The following ZFPM2 variants were observed in gnomAD, a reference collection of about 807,000 sequenced individuals.
The protein encoded by ZFPM2 is zinc finger protein, FOG family member 2.
A neutral mutation model predicts 98.6 loss-of-function variants in ZFPM2; 20 were observed. That is an observed-to-expected ratio of 0.20 (90% confidence interval 0.14 to 0.29). The LOEUF (loss-of-function observed/expected upper bound fraction) is 0.29. ZFPM2 is among the 10% of genes least tolerant of loss of function. The pLI is 1.00. For missense variants in ZFPM2, 1,310 were observed against 1,388.6 expected, an observed-to-expected ratio of 0.94 and a Z score of 0.90; for synonymous variants, 518 against 502.7, an observed-to-expected ratio of 1.03 and a Z score of -0.41.
At chr8:105,478,713 TAA>T (rs1179279386) in intron 3 of ZFPM2, among the ~76,000 whole-genome samples, 2 of 152,224 alleles carry the variant, frequency 1.3e-5, no homozygotes, top group African/African-American at 2.4e-5. Flanking sequence ...TAAATATTAA[TAA>T]AGACATTTTT....
intron 5 of ZFPM2, among the ~76,000 whole-genome samples, chr8:105,693,329 G>C (rs1810934714): frequency 6.6e-6 from 1 of 152,168 alleles, no homozygotes; most frequent in Admixed American, 6.5e-5. Flanking sequence ...CATTGGTGCA[G>C]GCTATTCCGC....
chr8:105,405,650 G>C (rs1333067955), intron 1 of ZFPM2, among the ~76,000 whole-genome samples: 1 of 151,750 alleles, frequency 6.6e-6, no homozygotes, highest in Admixed American at 6.6e-5. Flanking sequence ...TGGTGTATAT[G>C]TGCCACATTT....
At chr8:105,587,517 G>A (rs1815749179) in intron 4 of ZFPM2, among the ~76,000 whole-genome samples, 1 of 151,946 alleles carries the variant, frequency 6.6e-6, no homozygotes, top group African/African-American at 2.4e-5. Context: ...CAAAACCAAA[G>A]GAAAAAATAT....
intron 3 of ZFPM2, among the ~76,000 whole-genome samples, chr8:105,512,036 C>G (rs954006184): frequency 2.0e-5 from 3 of 152,138 alleles, no homozygotes; most frequent in Non-Finnish European, 4.4e-5. Flanking sequence ...ATCCCAGCTA[C>G]TCGGGAGGCT....
At chr8:105,361,946 G>A (rs2129765907) in intron 1 of ZFPM2, among the ~76,000 whole-genome samples, 1 of 152,144 alleles carries the variant, frequency 6.6e-6, no homozygotes, top group Non-Finnish European at 1.5e-5. Flanking sequence ...AGAACAACAG[G>A]CTGTAACATG....
chr8:105,722,446 A>G (rs1770248631), intron 5 of ZFPM2, among the ~76,000 whole-genome samples: 2 of 151,902 alleles, frequency 1.3e-5, no homozygotes. Flanking sequence ...GAAACTCCAC[A>G]TATAACTTCT....
At chr8:105,773,819 T>C (rs1417125700) in intron 5 of ZFPM2, among the ~76,000 whole-genome samples, 1 of 152,106 alleles carries the variant, frequency 6.6e-6, no homozygotes, top group Admixed American at 6.6e-5. Flanking sequence ...AGTTAAATCA[T>C]ATTGTAGATT....
intron 3 of ZFPM2, among the ~76,000 whole-genome samples, chr8:105,461,969 G>A (rs760545545): frequency 3.9e-5 from 6 of 151,962 alleles, no homozygotes; most frequent in Non-Finnish European, 7.4e-5. Context: ...CTTGATTGTC[G>A]CACTTATTAT....
chr8:105,623,663 T>C (rs1032425554), intron 4 of ZFPM2, among the ~76,000 whole-genome samples: 1 of 152,170 alleles, frequency 6.6e-6, no homozygotes, highest in Non-Finnish European at 1.5e-5. Context: ...AAGATGACTT[T>C]GTGCAGGGTA....
At chr8:105,752,306 T>G (rs2131054944) in intron 5 of ZFPM2, among the ~76,000 whole-genome samples, 1 of 152,242 alleles carries the variant, frequency 6.6e-6, no homozygotes, top group South Asian at 2.1e-4. Flanking sequence ...TTTTCTAAAT[T>G]TGTGATTCTT....
At chr8:105,706,397 T>G in intron 5 of ZFPM2, among the ~76,000 whole-genome samples, 1 of 152,176 alleles carries the variant, frequency 6.6e-6, no homozygotes. Flanking sequence ...GAAATGAAAT[T>G]CATTTTAGTC....
chr8:105,509,005 C>T (rs1215738950), intron 3 of ZFPM2, among the ~76,000 whole-genome samples: 2 of 151,914 alleles, frequency 1.3e-5, no homozygotes, highest in African/African-American at 4.8e-5. Context: ...TCACATTATG[C>T]GATATATCAG....
intron 4 of ZFPM2, among the ~76,000 whole-genome samples, chr8:105,601,155 T>G (rs765596142): frequency 2.6e-5 from 4 of 152,070 alleles, no homozygotes; most frequent in African/African-American, 4.8e-5. Flanking sequence ...CATCACCACC[T>G]GAAGCCCTGC....
intron 5 of ZFPM2, chr8:105,785,325 A>G (rs1347013298): frequency 6.8e-6 from 1 of 146,808 alleles, no homozygotes; most frequent in Non-Finnish European, 1.5e-5. Flanking sequence ...CAGACACACA[A>G]CACACACACA....
chr8:105,388,456 T>C (rs181767744), intron 1 of ZFPM2, among the ~76,000 whole-genome samples: 6 of 152,186 alleles, frequency 3.9e-5, no homozygotes, highest in Admixed American at 1.3e-4. Context: ...GCATTTGCAG[T>C]TGTTAGCATG....
chr8:105,799,470 T>G (rs11986654), intron 7 of ZFPM2, among the ~76,000 whole-genome samples: 27,138 of 152,160 alleles, frequency 0.18, 4,345 homozygotes, highest in African/African-American at 0.43. Flanking sequence ...TCATAACAGC[T>G]TAGGTGGTTT....
intron 4 of ZFPM2, among the ~76,000 whole-genome samples, chr8:105,588,041 G>C (rs1312253097): frequency 6.6e-6 from 1 of 152,140 alleles, no homozygotes; most frequent in Non-Finnish European, 1.5e-5. Flanking sequence ...TGTTTTTTAA[G>C]CTATATTTAG....
intron 4 of ZFPM2, among the ~76,000 whole-genome samples, chr8:105,568,113 C>A (rs1226840729): frequency 6.6e-6 from 1 of 152,048 alleles, no homozygotes; most frequent in African/African-American, 2.4e-5. Context: ...GGGAGCTTAT[C>A]CACTTGCAAA....
At chr8:105,524,651 A>G (rs1295233696) in intron 3 of ZFPM2, among the ~76,000 whole-genome samples, 4 of 152,158 alleles carry the variant, frequency 2.6e-5, no homozygotes, top group South Asian at 2.1e-4. Context: ...TTTTCTCTCC[A>G]CATCAGTTTT....
Sources: allele counts gnomAD v4.1 joint callset (sites outside exome capture counted in the v4.1 genomes callset), GRCh38; gene constraint gnomAD v4.1.1; transcripts MANE v1.5; gene names NCBI Gene and HGNC (gene_info 2026-07-23, HGNC 2026-07-21).